Variants in CLSTN2 observed in about 807,000 individuals in gnomAD.
CLSTN2 encodes calsyntenin 2.
In CLSTN2, 48 loss-of-function variants were observed where a neutral mutation model predicts 101.2. The ratio of observed to expected loss-of-function variants is 0.47; its 90% confidence interval spans 0.38 to 0.60. The LOEUF (loss-of-function observed/expected upper bound fraction) is 0.60, where lower values mean the gene tolerates loss of function less well. CLSTN2 is among the 20% of genes least tolerant of loss of function. The pLI, the probability that CLSTN2 is intolerant of heterozygous loss-of-function variation, is 0.00. For missense variants in CLSTN2, 1,160 were observed against 1,238.2 expected, an observed-to-expected ratio of 0.94 and a Z score of 0.95; for synonymous variants, 481 against 463.6, an observed-to-expected ratio of 1.04 and a Z score of -0.48.
intron 1 of CLSTN2, among the ~76,000 whole-genome samples, chr3:140,073,349 T>A (rs2008429429): frequency 6.6e-6 from 1 of 152,204 alleles, no homozygotes. Context: ...CTGGTTAGGT[T>A]GTGTGGATAC....
rs1408474345 is a variant in CLSTN2, at chr3:140,305,046, ACACACACACT to A, written c.233-98581_233-98572del. ...GAGACACACACACACACACACACAC[ACACACACACT>A]CTCTCTCTCTCTCTCTGTCTCTCTT... On this transcript the variant is annotated intron_variant, in intron 2 of 16. Coordinates refer to ENST00000458420, the MANE Select transcript of CLSTN2 (RefSeq NM_022131.3). 4.1e-5 allele frequency among the ~76,000 whole-genome samples: 6 copies of A among 146,878 alleles called. No homozygotes were observed. The Admixed American group carries it at 4.2e-4, about 10-fold the overall frequency.
intron 1 of CLSTN2, among the ~76,000 whole-genome samples, chr3:140,150,018 A>C (rs1002849541): frequency 1.3e-5 from 2 of 152,194 alleles, no homozygotes; most frequent in African/African-American, 4.8e-5. Context: ...GACAGCTGGA[A>C]AAAATGAATG....
rs1476741807 is a variant in CLSTN2, at chr3:140,568,443, A to G, written c.*2190A>G. Reference sequence around the variant, plus strand: ...GGGGTTTTATATTCATTGGATGGAAACAGATATTTCTCCTGGGAATTCTCC... The same window carrying G: ...GGGGTTTTATATTCATTGGATGGAAGCAGATATTTCTCCTGGGAATTCTCC... On this transcript the variant is annotated 3_prime_UTR_variant, in exon 17 of 17. Transcript: ENST00000458420. 2 of 152,178 alleles carry G rather than the reference A, an allele frequency of 1.3e-5. No individual in the cohort carries two copies. Among genetic ancestry groups the G allele is most frequent in the Non-Finnish European group, 2.9e-5 (2 of 68,030 alleles). The allele number at this position is 152,178 out of a possible 1,614,324, so 9.4% of individuals were successfully genotyped here.
intron 2 of CLSTN2, among the ~76,000 whole-genome samples, chr3:140,336,853 C>T (rs1277123431): frequency 6.6e-6 from 1 of 152,136 alleles, no homozygotes; most frequent in Non-Finnish European, 1.5e-5. Flanking sequence ...AATGGGCTAA[C>T]GGGGCTGCGT....
chr3:140,491,269 AT>A (rs1274147203), intron 8 of CLSTN2, among the ~76,000 whole-genome samples: 1 of 152,082 alleles, frequency 6.6e-6, no homozygotes, highest in East Asian at 1.9e-4. Flanking sequence ...CCAAATCCTC[AT>A]TTCATCCTTG....
At chr3:139,995,264 C>A (rs1936183224) in intron 1 of CLSTN2, among the ~76,000 whole-genome samples, 1 of 152,192 alleles carries the variant, frequency 6.6e-6, no homozygotes, top group Non-Finnish European at 1.5e-5. Flanking sequence ...CACCCATGAA[C>A]AGAGATCTTT....
intron 2 of CLSTN2, among the ~76,000 whole-genome samples, chr3:140,211,531 CTGTG>C (rs60408720): frequency 7.7e-5 from 11 of 142,388 alleles, no homozygotes; most frequent in African/African-American, 2.1e-4. Context: ...GGATCAAAAT[CTGTG>C]TGTGTGTGTG....
intron 5 of CLSTN2, among the ~76,000 whole-genome samples, chr3:140,442,832 T>C (rs1932986685): frequency 6.6e-6 from 1 of 152,212 alleles, no homozygotes; most frequent in Non-Finnish European, 1.5e-5. Flanking sequence ...GACCTTCTTT[T>C]ACCTCTCCAG....
intron 2 of CLSTN2, among the ~76,000 whole-genome samples, chr3:140,188,603 G>T (rs1385514498): frequency 6.6e-6 from 1 of 152,188 alleles, no homozygotes; most frequent in African/African-American, 2.4e-5. Context: ...GGTAAGTCTG[G>T]ACTAGAGGGG....
intron 6 of CLSTN2, among the ~76,000 whole-genome samples, 181 bp from the exon 7 acceptor site, chr3:140,459,340 C>T (rs1300092469): frequency 6.6e-6 from 1 of 152,172 alleles, no homozygotes; most frequent in Non-Finnish European, 1.5e-5. Flanking sequence ...CCAAGAAAAC[C>T]ATAAATAACT....
rs1934907982 is a variant in CLSTN2, at chr3:140,515,879, A to G, written c.1345-16445A>G. 2.0e-5 allele frequency among the ~76,000 whole-genome samples: 3 copies of G among 152,166 alleles called. No individual in the cohort carries two copies. In the South Asian group the frequency reaches 6.2e-4, roughly 32 times the overall value. On this transcript the variant is annotated intron_variant, in intron 8 of 16. Transcript: ENST00000458420. ...TTCATTCTAAGTTATAGTTTAAGTA[A>G]GTTGTTTCTTTGTTGACTTTCTGCC...
chr3:139,962,226 A>C (rs1014805697), intron 1 of CLSTN2, among the ~76,000 whole-genome samples: 1 of 152,170 alleles, frequency 6.6e-6, no homozygotes, highest in African/African-American at 2.4e-5. Flanking sequence ...ATCAATTTGT[A>C]TTCCTATTTA....
intron 5 of CLSTN2, among the ~76,000 whole-genome samples, chr3:140,425,188 A>G (rs1160667352): frequency 6.6e-6 from 1 of 152,194 alleles, no homozygotes; most frequent in African/African-American, 2.4e-5. Context: ...AGCACTCCCA[A>G]TCAGCATGTC....
chr3:140,187,478 A>G (rs2010500507), intron 2 of CLSTN2, among the ~76,000 whole-genome samples: 1 of 152,056 alleles, frequency 6.6e-6, no homozygotes, highest in South Asian at 2.1e-4. Context: ...GCTCCATCAG[A>G]GATGTTGTTT....
chr3:139,948,307 AT>A (rs1383957828), intron 1 of CLSTN2, among the ~76,000 whole-genome samples: 20 of 152,100 alleles, frequency 1.3e-4, no homozygotes, highest in Non-Finnish European at 2.8e-4. Flanking sequence ...TCTTTAGAAA[AT>A]ATTGCTACTT....
At chr3:140,178,265 G>A (rs1283538911) in intron 2 of CLSTN2, among the ~76,000 whole-genome samples, 1 of 152,120 alleles carries the variant, frequency 6.6e-6, no homozygotes, top group African/African-American at 2.4e-5. Context: ...AGCAAATCTG[G>A]TATTTGAAAG....
At chr3:140,341,745 C>T (rs112644950) in intron 2 of CLSTN2, among the ~76,000 whole-genome samples, 17 of 152,242 alleles carry the variant, frequency 1.1e-4, no homozygotes, top group South Asian at 2.1e-4. Flanking sequence ...AGTTAGTCTG[C>T]GATACATTGA....
rs1303444614 is a variant in CLSTN2, at chr3:140,567,798, T to C, written c.*1545T>C. On this transcript the variant is annotated 3_prime_UTR_variant, in exon 17 of 17. Transcript: ENST00000458420. Reference sequence around the variant, plus strand: ...AAGTGGCATTTATGTTAAAAAAAAATAGTTCAGAATCTCAGCCTTTTCTTT... The same window carrying C: ...AAGTGGCATTTATGTTAAAAAAAAACAGTTCAGAATCTCAGCCTTTTCTTT... 6.6e-6 allele frequency: 1 copy of C among 152,142 alleles called. No individual in the cohort carries two copies. Among genetic ancestry groups the C allele is most frequent in the African/African-American group, 2.4e-5 (1 of 41,416 alleles). 9.4% of individuals were successfully genotyped at this position (152,142 alleles called of 1,614,324 possible). A position where few individuals can be genotyped will look rare whatever the true frequency, so the allele number is the denominator to read the frequency against.
At chr3:140,145,207 T>G (rs1005353945) in intron 1 of CLSTN2, among the ~76,000 whole-genome samples, 2 of 152,214 alleles carry the variant, frequency 1.3e-5, no homozygotes, top group African/African-American at 4.8e-5. Flanking sequence ...ATAGGAAAGA[T>G]GGGTGAGTGG....
Sources: gnomAD v4.1 joint callset for allele counts (sites outside exome capture counted in the v4.1 genomes callset) on GRCh38, gnomAD v4.1.1 for gene constraint, MANE v1.5 for transcripts, NCBI Gene and HGNC (gene_info 2026-07-23, HGNC 2026-07-21) for gene names.